MYH15: variants seen among roughly 807,000 people sequenced by gnomAD.
The protein encoded by MYH15 is myosin-15.
Under a neutral mutation model 240.5 loss-of-function variants are expected in MYH15, and 227 were observed. The observed-to-expected ratio is 0.94, with a 90% CI of 0.85 to 1.05. MYH15 has a LOEUF of 1.05. Among genes scored for constraint, MYH15 ranks in the 50% least tolerant of loss-of-function variants. The probability of loss-of-function intolerance (pLI) is 0.00; values close to 1 mark genes in which losing one functional copy is unlikely to be tolerated. For missense variants in MYH15, 2,217 were observed against 2,247.5 expected, an observed-to-expected ratio of 0.99 and a Z score of 0.27; for synonymous variants, 785 against 796.7, an observed-to-expected ratio of 0.99 and a Z score of 0.25.
At chr3:108,482,830 A>C (rs1356729736) in intron 11 of MYH15, among the ~76,000 whole-genome samples, 2 of 152,184 alleles carry the variant, frequency 1.3e-5, no homozygotes, top group Non-Finnish European at 2.9e-5. Flanking sequence ...AGACAGGGAC[A>C]ATATCTTGTT....
chr3:108,411,435 C>T (rs998749582), intron 30 of MYH15, among the ~76,000 whole-genome samples: 6 of 152,178 alleles, frequency 3.9e-5, no homozygotes, highest in Non-Finnish European at 7.4e-5. Flanking sequence ...ACAATTCTTT[C>T]TTCTCTCCGA....
chr3:108,448,000 T>C (rs912348630), intron 21 of MYH15, among the ~76,000 whole-genome samples: 6 of 152,156 alleles, frequency 3.9e-5, no homozygotes, highest in Non-Finnish European at 8.8e-5. Flanking sequence ...TAAGAGTTTT[T>C]ATATGTAGTT....
intron 33 of MYH15, among the ~76,000 whole-genome samples, chr3:108,401,825 A>G (rs1004767995): frequency 1.3e-5 from 2 of 152,262 alleles, no homozygotes; most frequent in African/African-American, 2.4e-5. Flanking sequence ...ATGGCTGCTG[A>G]ACAATCAACA....
intron 40 of MYH15, among the ~76,000 whole-genome samples, chr3:108,382,722 G>C (rs1298436008): frequency 6.6e-6 from 1 of 151,858 alleles, no homozygotes; most frequent in African/African-American, 2.4e-5. Flanking sequence ...TCCTGATTCT[G>C]CCCGAAAACA....
intron 28 of MYH15, among the ~76,000 whole-genome samples, chr3:108,418,861 C>T (rs903227856): frequency 6.6e-6 from 1 of 152,200 alleles, no homozygotes; most frequent in African/African-American, 2.4e-5. Flanking sequence ...AGTGATTCTC[C>T]TGCCTCAGCC....
chr3:108,436,093 A>G (rs1347350097), intron 25 of MYH15, among the ~76,000 whole-genome samples: 3 of 152,186 alleles, frequency 2.0e-5, no homozygotes, highest in African/African-American at 7.2e-5. Flanking sequence ...TGTCATCGCT[A>G]ATTTGAAATG....
intron 2 of MYH15, among the ~76,000 whole-genome samples, chr3:108,504,293 A>G (rs2083458119): frequency 6.6e-6 from 1 of 152,200 alleles, no homozygotes; most frequent in Non-Finnish European, 1.5e-5. Context: ...TTTCTTGCTG[A>G]ATTTTCCCTT....
At chr3:108,477,615 C>G (rs1029928138) in intron 11 of MYH15, among the ~76,000 whole-genome samples, 1 of 152,112 alleles carries the variant, frequency 6.6e-6, no homozygotes, top group Non-Finnish European at 1.5e-5. Flanking sequence ...TTCAACAAAA[C>G]ACGGACTTGG....
chr3:108,476,348 A>G (rs1202164157), intron 12 of MYH15, 49 bp downstream of exon 12: 1 of 1,159,498 alleles, frequency 8.6e-7, no homozygotes, highest in South Asian at 1.2e-5. Context: ...ATATATATAC[A>G]ATTATTGGAA....
At chr3:108,476,361 T>G in intron 12 of MYH15, 36 bp downstream of exon 12, 1 of 1,223,284 alleles carries the variant, frequency 8.2e-7, no homozygotes, top group Middle Eastern at 2.0e-4. Context: ...TATTGGAAGA[T>G]CATAGAATAA....
rs147021314 is a variant in MYH15, at chr3:108,419,068, A to G, written c.3829+2020T>C. ...CTGCTGGTCCAAAAACATCTTATTT[A>G]AAAGGATTCTGAAGAAATATAAATC... On this transcript the variant is annotated intron_variant, in intron 28 of 40. Coordinates refer to ENST00000693548, the MANE Select transcript of MYH15 (RefSeq NM_014981.3). Among the ~76,000 whole-genome samples, 4 of 152,286 alleles carry G rather than the reference A, an allele frequency of 2.6e-5. No individual in the cohort carries two copies. In the East Asian group the frequency reaches 7.7e-4, roughly 29 times the overall value.
At position 108,399,207 on chromosome 3, in the gene MYH15, G is replaced by A; in HGVS notation, c.4797C>T (p.Ser1599=). ...LQSSLDSEAK[S]RIEVTRLKKK... The stretch of plus-strand genomic sequence containing the variant: ...TCTTCAGCCGGGTAACCTCAATTCT[G>A]CTCTTAGCTTCAGAATCCAGACTAG... The change falls in exon 34 of 41, where the codon AGC becomes AGT. Residue 1599 remains serine (S), a synonymous_variant. Transcript: ENST00000693548. 6.2e-7 allele frequency: 1 copy of A among 1,614,140 alleles called. No individual in the cohort carries two copies. The highest frequency in any genetic ancestry group is 1.1e-5 in the South Asian group (1 of 91,086).
rs2083470163 is a variant in MYH15 at position 108,505,655 on chromosome 3, G to T, written c.195+68C>A. On this transcript the variant is annotated intron_variant, in intron 2 of 40. Transcript: ENST00000693548. ...CCAGATCTTTAATTAAAATATTATA[G>T]AAATAATATATTTAGTTATTTGATA... is the stretch of plus-strand genomic sequence containing the variant. The T allele has an allele frequency of 3.6e-6, 3 of 838,240 alleles. No individual in the cohort carries two copies. The South Asian group carries it at 7.6e-5, about 21-fold the overall frequency. 51.9% of individuals were successfully genotyped at this position (838,240 alleles called of 1,614,324 possible).
chr3:108,516,747 A>G (rs565971987), intron 1 of MYH15, among the ~76,000 whole-genome samples: 3 of 152,332 alleles, frequency 2.0e-5, no homozygotes, highest in Admixed American at 2.0e-4. Flanking sequence ...TTATTTCTCT[A>G]CAAAAGCAGG....
chr3:108,398,706 C>G lies in MYH15; in HGVS notation c.5064G>C (p.Glu1688Asp), dbSNP rs2082481185. Residue 1688 changes from glutamate to aspartate, a missense_variant, in exon 35 of 41, where the codon GAG becomes GAC. Coordinates refer to ENST00000693548, the MANE Select transcript of MYH15 (RefSeq NM_014981.3). Reference sequence around the variant, plus strand: ...CTTCTTCTGACAGCCTGCGGCCACGCTCTGTCTGCTCTTGCAGGGACCTTA... The same window carrying G: ...CTTCTTCTGACAGCCTGCGGCCACGGTCTGTCTGCTCTTGCAGGGACCTTA... The part of the protein sequence containing the change: ...EDLRSLQEQT[E>D]RGRRLSEEEL... 3 of 1,614,144 alleles carry G rather than the reference C, an allele frequency of 1.9e-6. No individual in the cohort carries two copies. Among genetic ancestry groups the G allele is most frequent in the Non-Finnish European group, 1.7e-6 (2 of 1,180,038 alleles).
At chr3:108,427,635 C>CACAGAGAGAGAGAGAGAGAGAG (rs570359637) in intron 27 of MYH15, among the ~76,000 whole-genome samples, 2 of 146,740 alleles carry the variant, frequency 1.4e-5, no homozygotes, top group African/African-American at 2.6e-5. Flanking sequence ...CACACACACA[C>CACAGAGAGAGAGAGAGAGAGAG]AGAGAGAGAG....
At chr3:108,440,492 C>T (rs1392288499) in intron 23 of MYH15, among the ~76,000 whole-genome samples, 3 of 151,768 alleles carry the variant, frequency 2.0e-5, no homozygotes, top group Admixed American at 6.6e-5. Context: ...AGGCTTGATG[C>T]GGACTCCTCA....
rs565193489 is a variant in MYH15, at chr3:108,500,169, G to A, written c.445C>T (p.Pro149Ser). 17 of 1,614,066 alleles carry A rather than the reference G, an allele frequency of 1.1e-5. 1 individual carries two copies. In the South Asian group the frequency reaches 1.9e-4, roughly 18 times the overall value. The change falls in exon 4 of 41, where the codon CCC becomes TCC. Residue 149 changes from proline to serine, a missense_variant. Coordinates refer to ENST00000693548, the MANE Select transcript of MYH15 (RefSeq NM_014981.3). ...TTGGCAACAGCAAAGATGTGAGGGG[G>A]AGCCTCTGATCGCCTCTTCCCTTTG... ...AYKGKRRSEAPPHIFAVANNA... is the reference protein window; with the variant it reads ...AYKGKRRSEASPHIFAVANNA...
At chr3:108,417,905 A>T (rs12633475) in intron 28 of MYH15, among the ~76,000 whole-genome samples, 12,526 of 152,136 alleles carry the variant, frequency 0.082, 1,341 homozygotes, top group East Asian at 0.55. Context: ...CATCGCATAC[A>T]ATATTTTAAA....
Sources: gnomAD v4.1 joint callset for allele counts (sites outside exome capture counted in the v4.1 genomes callset) on GRCh38, gnomAD v4.1.1 for gene constraint, MANE v1.5 for transcripts, NCBI Gene and HGNC (gene_info 2026-07-23, HGNC 2026-07-21) for gene names.